Variants in COLQ observed in about 807,000 individuals in gnomAD.
COLQ encodes collagen like tail subunit of asymmetric acetylcholinesterase, also known as acetylcholinesterase collagenic tail peptide.
Under a neutral mutation model 69.0 loss-of-function variants are expected in COLQ, and 48 were observed. That is an observed-to-expected ratio of 0.70 (90% CI 0.55 to 0.88). The LOEUF (loss-of-function observed/expected upper bound fraction) is 0.88. COLQ is among the 40% of genes least tolerant of loss of function. COLQ has a pLI of 0.00. For synonymous variants in COLQ, 217 were observed against 211.2 expected (o/e 1.03, Z -0.24); for missense variants, 618 against 594.6 (o/e 1.04, Z -0.41).
At chr3:15,468,849 C>A (rs2062239316) in intron 11 of COLQ, among the ~76,000 whole-genome samples, 1 of 152,132 alleles carries the variant, frequency 6.6e-6, no homozygotes, top group South Asian at 2.1e-4. Flanking sequence ...TGAGAATAAC[C>A]TGAGGAGACT....
Position 15,466,340 on chromosome 3 carries a change from C to T in COLQ, c.814+1G>A, listed in dbSNP as rs1180986183. The T allele has an allele frequency of 1.2e-6, 2 of 1,610,636 alleles. No individual in the cohort carries two copies. The stretch of plus-strand genomic sequence containing the variant: ...ATCAAGTGAAGCAGTGTAGCTCTTA[C>T]CTGCAGGTGGGGGGCCTGGGGGCCC... On this transcript the variant is annotated splice_donor_variant, in intron 12 of 16. Transcript: ENST00000383788. LOFTEE classifies it high-confidence loss of function.
chr3:15,505,562 C>T (rs1411786613), intron 1 of COLQ, among the ~76,000 whole-genome samples: 3 of 152,226 alleles, frequency 2.0e-5, no homozygotes, highest in African/African-American at 7.2e-5. Context: ...GGAGACAATG[C>T]TATTAGGAGC....
At chr3:15,478,257 G>C (rs1255511172) in intron 5 of COLQ, among the ~76,000 whole-genome samples, 1 of 152,148 alleles carries the variant, frequency 6.6e-6, no homozygotes, top group Non-Finnish European at 1.5e-5. Flanking sequence ...CTAAAGAGTT[G>C]TAACTTTGTC....
At chr3:15,479,090 A>G in intron 4 of COLQ, 87 bp from the exon 5 acceptor site, 1 of 1,538,054 alleles carries the variant, frequency 6.5e-7, no homozygotes, top group Non-Finnish European at 9.0e-7. Flanking sequence ...ATGACTGGGC[A>G]TGGCCATGTG....
At position 15,479,334 on chromosome 3, in the gene COLQ, A is replaced by G. The variant is rs1159395390; in HGVS notation, c.366+4T>C. 2 of 1,613,762 alleles carry G rather than the reference A, an allele frequency of 1.2e-6. No homozygotes were observed. The highest frequency in any genetic ancestry group is 1.7e-5 in the Admixed American group (1 of 60,012). On this transcript the variant is annotated splice_donor_region_variant and intron_variant, in intron 4 of 16. Transcript: ENST00000383788. ...GAAGGGTTGAAGAAAGTAGTGGTCC[A>G]TACCTTTTCTCCCTTTGGTCCTGTC...
chr3:15,455,908 C>G lies in COLQ; in HGVS notation c.1186G>C (p.Asp396His), dbSNP rs748582765. The G allele has an allele frequency of 6.2e-7, 1 of 1,614,094 alleles. No homozygotes were observed. The highest frequency in any genetic ancestry group is 8.5e-7 in the Non-Finnish European group (1 of 1,180,000). Residue 396 changes from aspartate (D) to histidine (H), a missense_variant, in exon 15 of 17, where the codon GAC becomes CAC. Asp to His is a moderately conservative substitution (Grantham distance 81, BLOSUM62 -1). Coordinates refer to ENST00000383788, the MANE Select transcript of COLQ (RefSeq NM_005677.4). ...CDDGNSDVGD[D>H]CIRCHRAYCG... ...TCTGGGCCTCACTCACGGATGCAGTCGTCACCCACATCGCTGTTACCGTCG... is the reference window on the plus strand; with the variant it reads ...TCTGGGCCTCACTCACGGATGCAGTGGTCACCCACATCGCTGTTACCGTCG...
intron 6 of COLQ, among the ~76,000 whole-genome samples, chr3:15,476,136 A>G (rs1473349248): frequency 6.6e-6 from 1 of 152,232 alleles, no homozygotes. Context: ...TGCTTTTCAT[A>G]ATAAGTACTT....
At chr3:15,455,816 C>G (rs938847804) in intron 15 of COLQ, 83 bp downstream of exon 15, 71 of 1,585,404 alleles carry the variant, frequency 4.5e-5, no homozygotes, top group Non-Finnish European at 5.7e-5. Flanking sequence ...CCCAAAGCAC[C>G]ACAGCTGGTG....
At chr3:15,467,229 C>T (rs1025278867) in intron 11 of COLQ, among the ~76,000 whole-genome samples, 2 of 152,234 alleles carry the variant, frequency 1.3e-5, no homozygotes, top group Admixed American at 6.5e-5. Context: ...CAATGGTAGG[C>T]AGCTTTGCTG....
chr3:15,487,610 A>C (rs1247231966), intron 3 of COLQ, among the ~76,000 whole-genome samples: 1 of 152,162 alleles, frequency 6.6e-6, no homozygotes, highest in Admixed American at 6.5e-5. Context: ...GCTGTCCCTC[A>C]CCGATGGAGC....
At chr3:15,471,408 T>C (rs879731439) in intron 10 of COLQ, among the ~76,000 whole-genome samples, 2 of 152,244 alleles carry the variant, frequency 1.3e-5, no homozygotes, top group African/African-American at 2.4e-5. Flanking sequence ...TCTTAGTTTC[T>C]CTCCTTCTTC....
chr3:15,505,232 C>CA (rs1383191027), intron 1 of COLQ, among the ~76,000 whole-genome samples: 1 of 152,196 alleles, frequency 6.6e-6, no homozygotes, highest in Non-Finnish European at 1.5e-5. Flanking sequence ...AGGCCTTGAG[C>CA]AGGTCATTGA....
intron 1 of COLQ, among the ~76,000 whole-genome samples, chr3:15,505,486 G>A (rs1355440502): frequency 6.6e-6 from 1 of 152,176 alleles, no homozygotes; most frequent in Non-Finnish European, 1.5e-5. Context: ...TCTAAAGAAA[G>A]GCATCTGCTT....
Position 15,521,647 on chromosome 3 carries a change from G to T in COLQ, c.-22C>A, listed in dbSNP as rs780128889. 3 of 1,614,002 alleles carry T rather than the reference G, an allele frequency of 1.9e-6. No homozygotes were observed. The Admixed American group carries it at 5.0e-5, about 27-fold the overall frequency. On this transcript the variant is annotated 5_prime_UTR_variant, in exon 1 of 17. Transcript: ENST00000383788. ...CCATGCTGGCCAGGGTCTGGCGAGG[G>T]TCAAGTTAGAAAGGAGGCTGCTGCG...
Position 15,518,552 on chromosome 3 carries a change from G to T in COLQ, c.106+2968C>A, listed in dbSNP as rs904293468. Among the ~76,000 whole-genome samples, 3 of 152,134 alleles carry T rather than the reference G, an allele frequency of 2.0e-5. No homozygotes were observed. In the South Asian group the frequency reaches 6.2e-4, roughly 32 times the overall value. On this transcript the variant is annotated intron_variant, in intron 1 of 16. Coordinates refer to ENST00000383788, the MANE Select transcript of COLQ (RefSeq NM_005677.4). ...CCTCTGATGTTTTTTGCTCCTTCCT[G>T]GTTCTCCTCTGGGACCCAGCAGAGG...
chr3:15,465,530 T>C (rs2062186120), intron 12 of COLQ, among the ~76,000 whole-genome samples: 1 of 151,096 alleles, frequency 6.6e-6, no homozygotes. Context: ...CCTCCCAAAG[T>C]GCTGGGATTA....
chr3:15,498,909 G>T (rs1000679630), intron 1 of COLQ: 1 of 1,285,344 alleles, frequency 7.8e-7, no homozygotes. Context: ...CCCCCTGCAA[G>T]CCAAGAGGAA....
intron 12 of COLQ, among the ~76,000 whole-genome samples, chr3:15,459,222 T>C (rs1456049058): frequency 6.6e-6 from 1 of 152,188 alleles, no homozygotes; most frequent in Non-Finnish European, 1.5e-5. Flanking sequence ...CATTAGTATA[T>C]GCTCTGCCCA....
rs1008725148 is a variant in COLQ, at chr3:15,473,553, G to A, written c.636+447C>T. Reference sequence around the variant, plus strand: ...GTGTCCTTCTGGCAGTATGTGCACCGCCCTTGAAGAAGGACTGCAATAAGG... The same window carrying A: ...GTGTCCTTCTGGCAGTATGTGCACCACCCTTGAAGAAGGACTGCAATAAGG... On this transcript the variant is annotated intron_variant, in intron 10 of 16. Transcript: ENST00000383788. This position sits in a 1 kb window ranked among gnomAD's most constrained non-coding sequence, Gnocchi z 4.0. Among the ~76,000 whole-genome samples the A allele has an allele frequency of 1.3e-5, 2 of 152,088 alleles. No homozygotes were observed. The highest frequency in any genetic ancestry group is 2.9e-5 in the Non-Finnish European group (2 of 68,022).
Sources: gnomAD v4.1 joint callset for allele counts (sites outside exome capture counted in the v4.1 genomes callset) on GRCh38, gnomAD v4.1.1 for gene constraint, Gnocchi (gnomAD v3.1) non-coding constraint, MANE v1.5 for transcripts, NCBI Gene and HGNC (gene_info 2026-07-23, HGNC 2026-07-21) for gene names.